The following PLEKHG5 variants were observed in gnomAD, a reference collection of about 807,000 sequenced individuals.
PLEKHG5 encodes the protein pleckstrin homology domain-containing family G member 5.
A neutral mutation model predicts 103.8 loss-of-function variants in PLEKHG5; 52 were observed. The ratio of observed to expected loss-of-function variants is 0.50; its 90% CI spans 0.40 to 0.63. PLEKHG5 has a LOEUF of 0.63. PLEKHG5 is among the 30% of genes least tolerant of loss of function. The pLI, the probability that PLEKHG5 is intolerant of heterozygous loss-of-function variation, is 0.00. For missense variants in PLEKHG5, 1,205 were observed against 1,347.6 expected (o/e 0.89, Z 1.66); for synonymous variants, 592 against 575.5 (o/e 1.03, Z -0.41).
chr1:6,504,501 G>T (rs1470890466), intron 1 of PLEKHG5, among the ~76,000 whole-genome samples: 1 of 152,058 alleles, frequency 6.6e-6, no homozygotes, highest in Non-Finnish European at 1.5e-5. Context: ...AGGCAGGGAC[G>T]CCTGGCCTTC....
upstream of PLEKHG5, chr1:6,497,149 G>T (rs796564102): frequency 1.9e-6 from 2 of 1,037,352 alleles, no homozygotes; most frequent in Non-Finnish European, 2.9e-6. This position sits in a 1 kb window ranked among gnomAD's most constrained non-coding sequence, Gnocchi z 6.1. Context: ...GAGAAGCGGG[G>T]TGCTGCCGAG....
At position 6,485,309 on chromosome 1, in the gene PLEKHG5, G is replaced by A. The variant is rs147378306; in HGVS notation, c.-88+6328C>T. 1,293 of 1,385,722 alleles carry A rather than the reference G, an allele frequency of 9.3e-4. 15 individuals are homozygous for A. In the African/African-American group the frequency reaches 0.017, roughly 18 times the overall value. The allele number at this position is 1,385,722 out of a possible 1,614,324, so 85.8% of individuals were successfully genotyped here. A position where few individuals can be genotyped will look rare whatever the true frequency, so the allele number is the denominator to read the frequency against. On this transcript the variant is annotated intron_variant, in intron 1 of 20. Transcript: ENST00000377728. ...GGGCACCCAGCCCCGTTCCCGCCCC[G>A]TCCCGGCCCCGTACCTGGCTATCAC...
At chr1:6,471,900 C>T (rs2148585926) in intron 10 of PLEKHG5, 92 bp from the exon 11 acceptor site, 1 of 1,307,428 alleles carries the variant, frequency 7.6e-7, no homozygotes, top group Non-Finnish European at 1.1e-6. Flanking sequence ...CACTCCTTCC[C>T]CTTCCCCGTT....
chr1:6,472,004 A>T (rs1269085974), intron 10 of PLEKHG5, among the ~76,000 whole-genome samples, 196 bp from the exon 11 acceptor site: 1 of 152,208 alleles, frequency 6.6e-6, no homozygotes, highest in Admixed American at 6.5e-5. Context: ...CCCAGTCCTC[A>T]TAGCCCTCCC....
chr1:6,477,601 C>T lies in PLEKHG5; in HGVS notation c.-30G>A, dbSNP rs775583328. 15 of 1,611,558 alleles carry T rather than the reference C, an allele frequency of 9.3e-6. No homozygotes were observed. The highest frequency in any genetic ancestry group is 1.7e-5 in the Admixed American group (1 of 60,024). The stretch of plus-strand genomic sequence containing the variant: ...CTGTGGAACTTGCTGTCACAGGCCT[C>T]GCAGAGGTTGAGGGGCCCCCGGCGG... On this transcript the variant is annotated 5_prime_UTR_variant, in exon 2 of 21. Transcript: ENST00000377728.
intron 1 of PLEKHG5, among the ~76,000 whole-genome samples, chr1:6,479,044 C>G (rs1467448784): frequency 1.5e-5 from 2 of 134,066 alleles, no homozygotes; most frequent in Non-Finnish European, 3.3e-5. Flanking sequence ...ACATCTGCTT[C>G]TCTCCCATTC....
At chr1:6,482,982 T>G (rs1644940109) in intron 1 of PLEKHG5, among the ~76,000 whole-genome samples, 1 of 152,248 alleles carries the variant, frequency 6.6e-6, no homozygotes, top group Admixed American at 6.5e-5. Context: ...GTGCTGGGAT[T>G]ACAGGCGTGA....
At chr1:6,494,856 G>A (rs1051077023), upstream of PLEKHG5, among the ~76,000 whole-genome samples, 8 of 152,194 alleles carry the variant, frequency 5.3e-5, no homozygotes, top group African/African-American at 1.9e-4. Context: ...CCCCGTGCAC[G>A]CTGGGTGACC....
intron 1 of PLEKHG5, among the ~76,000 whole-genome samples, chr1:6,513,288 G>A (rs910041974): frequency 1.3e-5 from 2 of 152,228 alleles, no homozygotes; most frequent in Non-Finnish European, 2.9e-5. Flanking sequence ...ATACCCCAAG[G>A]CTTGGTCCAG....
At chr1:6,507,850 C>T (rs1638367141) in intron 1 of PLEKHG5, among the ~76,000 whole-genome samples, 1 of 152,214 alleles carries the variant, frequency 6.6e-6, no homozygotes, top group Admixed American at 6.5e-5. Context: ...GGGCCTGAGC[C>T]CACAGGAGCT....
intron 1 of PLEKHG5, among the ~76,000 whole-genome samples, chr1:6,483,537 C>T (rs539002865): frequency 2.4e-4 from 37 of 152,284 alleles, no homozygotes; most frequent in Admixed American, 2.0e-3. Context: ...TGGTGGCGCT[C>T]TCTTGTAGTC....
At chr1:6,518,044 T>C (rs1638672927) in intron 1 of PLEKHG5, among the ~76,000 whole-genome samples, 1 of 152,028 alleles carries the variant, frequency 6.6e-6, no homozygotes, top group Non-Finnish European at 1.5e-5. Flanking sequence ...ACCATTCTCC[T>C]GCCTCAGCCT....
At chr1:6,488,599 G>T (rs962943925) in intron 1 of PLEKHG5, among the ~76,000 whole-genome samples, 2 of 152,210 alleles carry the variant, frequency 1.3e-5, no homozygotes, top group East Asian at 1.9e-4. Context: ...CAGCAAGGGT[G>T]GGGGACTGTT....
chr1:6,506,386 C>G (rs1376714867), intron 1 of PLEKHG5, among the ~76,000 whole-genome samples: 1 of 152,200 alleles, frequency 6.6e-6, no homozygotes, highest in Non-Finnish European at 1.5e-5. Flanking sequence ...GCCTTTCTTC[C>G]CCTCCTACAG....
At position 6,471,469 on chromosome 1, in the gene PLEKHG5, C is replaced by T; in HGVS notation, c.1281+19G>A. On this transcript the variant is annotated intron_variant, in intron 12 of 20. Transcript: ENST00000377728. Reference sequence around the variant, plus strand: ...AGCCCTGCCTCAGTGCCCCCGCCTGCGCCCGGCCCCGCCCGTACCATCTTG... The same window carrying T: ...AGCCCTGCCTCAGTGCCCCCGCCTGTGCCCGGCCCCGCCCGTACCATCTTG... The T allele has an allele frequency of 6.2e-7, 1 of 1,606,348 alleles. No homozygotes were observed. Among genetic ancestry groups the T allele is most frequent in the South Asian group, 1.1e-5 (1 of 90,382 alleles).
At chr1:6,471,911 C>T in intron 10 of PLEKHG5, 103 bp from the exon 11 acceptor site, 1 of 1,159,664 alleles carries the variant, frequency 8.6e-7, no homozygotes, top group Non-Finnish European at 1.3e-6. Context: ...CTTCCCCGTT[C>T]CAGGAGGCCC....
rs748607324 is a variant in PLEKHG5, at chr1:6,470,978, G to A, written c.1392+12C>T. 2.6e-6 allele frequency: 4 copies of A among 1,568,430 alleles called. No homozygotes were observed. The highest frequency in any genetic ancestry group is 4.8e-5 in the East Asian group (2 of 41,856). On this transcript the variant is annotated intron_variant, in intron 13 of 20. Transcript: ENST00000377728. Reference sequence around the variant, plus strand: ...CCTCCTGCGCCCCCGCCCACGGCACGCGCGCCCTCACCGTGATGTAGGCCC... The same window carrying A: ...CCTCCTGCGCCCCCGCCCACGGCACACGCGCCCTCACCGTGATGTAGGCCC...
chr1:6,485,980 C>A (rs892792630), intron 1 of PLEKHG5: 33 of 831,614 alleles, frequency 4.0e-5, no homozygotes, highest in Admixed American at 3.7e-4. Context: ...TGGTGACACC[C>A]CCCCCCACCT....
At chr1:6,475,208 C>A (rs1644726450) in intron 4 of PLEKHG5, 70 bp from the exon 5 acceptor site, 1 of 804,868 alleles carries the variant, frequency 1.2e-6, no homozygotes, top group Non-Finnish European at 2.1e-6. Flanking sequence ...TCCTCCCCAC[C>A]CTCCTTCCCA....
Sources: gnomAD v4.1 joint callset for allele counts (sites outside exome capture counted in the v4.1 genomes callset) on GRCh38, gnomAD v4.1.1 for gene constraint, Gnocchi (gnomAD v3.1) non-coding constraint, MANE v1.5 for transcripts, NCBI Gene and HGNC (gene_info 2026-07-23, HGNC 2026-07-21) for gene names.